The following YWHAE variants were observed in gnomAD, a reference collection of about 807,000 sequenced individuals.
YWHAE encodes the protein 14-3-3 protein epsilon.
In YWHAE, 4 loss-of-function variants were observed where a neutral mutation model predicts 30.1. The ratio of observed to expected loss-of-function variants is 0.13; its 90% CI spans 0.07 to 0.30. YWHAE has a LOEUF of 0.30. Among genes scored for constraint, YWHAE ranks in the 10% least tolerant of loss-of-function variants. The pLI is 1.00. For synonymous variants in YWHAE, 118 were observed against 111.8 expected, an observed-to-expected ratio of 1.06 and a Z score of -0.35; for missense variants, 121 against 315.9, an observed-to-expected ratio of 0.38 and a Z score of 4.68.
chr17:1,385,802 G>A (rs972140660), intron 1 of YWHAE, among the ~76,000 whole-genome samples: 2 of 152,100 alleles, frequency 1.3e-5, no homozygotes, highest in East Asian at 1.9e-4. Context: ...TCAGAGAGAA[G>A]CTGAGCCAAA....
In YWHAE at chr17:1,370,581, C is replaced by T. The variant is rs533830758; in HGVS notation, c.65-5523G>A. Among the ~76,000 whole-genome samples, 13 of 152,146 alleles carry T rather than the reference C, an allele frequency of 8.5e-5. No individual in the cohort carries two copies. The South Asian group carries it at 2.7e-3, about 32-fold the overall frequency. ...AAGTAGCTGAGACTACAAGTGGGCG[C>T]CACCACGCCCGGCTAACTTTTCTAT... On this transcript the variant is annotated intron_variant, in intron 1 of 5. Coordinates refer to ENST00000264335, the MANE Select transcript of YWHAE (RefSeq NM_006761.5).
chr17:1,353,584 G>A (rs1027958608), intron 5 of YWHAE, among the ~76,000 whole-genome samples: 2 of 152,032 alleles, frequency 1.3e-5, no homozygotes, highest in Admixed American at 6.6e-5. Context: ...CCAACATGGA[G>A]AAATCCCGTC....
At position 1,347,019 on chromosome 17, in the gene YWHAE, C is replaced by T. The variant is rs574838332; in HGVS notation, c.716-1520G>A. 6.9e-5 allele frequency among the ~76,000 whole-genome samples: 10 copies of T among 145,522 alleles called. No individual in the cohort carries two copies. The East Asian group carries it at 2.0e-3, about 30-fold the overall frequency. On this transcript the variant is annotated intron_variant, in intron 5 of 5. Transcript: ENST00000264335. Reference sequence around the variant, plus strand: ...AAAAAAAAAAAAAGAATAAATAAAACTAAAAGTAAAAAACTATGTATGCTG... The same window carrying T: ...AAAAAAAAAAAAAGAATAAATAAAATTAAAAGTAAAAAACTATGTATGCTG...
intron 4 of YWHAE, among the ~76,000 whole-genome samples, chr17:1,356,169 AAAACACAC>A (rs1188970966): frequency 9.5e-5 from 9 of 94,490 alleles, no homozygotes; most frequent in Admixed American, 8.6e-4. Flanking sequence ...ACTCCGTCTA[AAAACACAC>A]ACACACACAC....
At chr17:1,347,639 C>T (rs1052877956) in intron 5 of YWHAE, among the ~76,000 whole-genome samples, 5 of 152,104 alleles carry the variant, frequency 3.3e-5, no homozygotes, top group African/African-American at 7.2e-5. Context: ...CGTATTCAAA[C>T]GTAGGAAACA....
chr17:1,384,351 G>A (rs561985178), intron 1 of YWHAE, among the ~76,000 whole-genome samples: 1 of 151,840 alleles, frequency 6.6e-6, no homozygotes, highest in South Asian at 2.1e-4. Flanking sequence ...ACCAGCTTGG[G>A]CAAGAGTGAG....
chr17:1,361,009 G>A (rs1383070862), intron 4 of YWHAE, 83 bp downstream of exon 4: 5 of 1,286,430 alleles, frequency 3.9e-6, no homozygotes, highest in South Asian at 2.5e-5. Flanking sequence ...TACAAAGACA[G>A]GCCCAAGAAA....
At chr17:1,381,395 G>A (rs1470354132) in intron 1 of YWHAE, among the ~76,000 whole-genome samples, 2 of 151,966 alleles carry the variant, frequency 1.3e-5, no homozygotes, top group African/African-American at 4.8e-5. Context: ...TGTAATCCCA[G>A]CTACTCAGGA....
intron 3 of YWHAE, 121 bp downstream of exon 3, chr17:1,361,781 T>G: frequency 1.7e-6 from 1 of 605,042 alleles, no homozygotes; most frequent in Non-Finnish European, 2.8e-6. Context: ...CAATATTAAC[T>G]ATCCTTCTAA....
At chr17:1,351,052 C>G (rs1465941467) in intron 5 of YWHAE, among the ~76,000 whole-genome samples, 2 of 148,006 alleles carry the variant, frequency 1.4e-5, no homozygotes, top group African/African-American at 2.5e-5. Flanking sequence ...GGGAGAGACT[C>G]CGTCTCACAA....
chr17:1,348,832 G>T (rs932174336), intron 5 of YWHAE, among the ~76,000 whole-genome samples: 1 of 151,894 alleles, frequency 6.6e-6, no homozygotes, highest in Non-Finnish European at 1.5e-5. Flanking sequence ...GACCATCCGG[G>T]TTAACACGGG....
At chr17:1,388,113 GGTTGGTTTTTT>G (rs2073332372) in intron 1 of YWHAE, among the ~76,000 whole-genome samples, 1 of 35,124 alleles carries the variant, frequency 2.8e-5, no homozygotes, top group Admixed American at 3.9e-4. Context: ...TTTTTTTTTT[GGTTGGTTTTTT>G]TTTTTTTTTT....
intron 1 of YWHAE, among the ~76,000 whole-genome samples, chr17:1,373,254 C>CA (rs1163453540): frequency 6.6e-6 from 1 of 151,706 alleles, no homozygotes; most frequent in Non-Finnish European, 1.5e-5. Context: ...AAAAAACAAG[C>CA]AAAAAAAGGA....
At chr17:1,388,574 C>A (rs1359581270) in intron 1 of YWHAE, among the ~76,000 whole-genome samples, 1 of 135,642 alleles carries the variant, frequency 7.4e-6, no homozygotes, top group East Asian at 2.2e-4. Flanking sequence ...CATGCCCAGC[C>A]TTTTTTTTTT....
intron 1 of YWHAE, among the ~76,000 whole-genome samples, chr17:1,371,112 TCA>T (rs1431068291): frequency 6.6e-6 from 1 of 151,490 alleles, no homozygotes; most frequent in Non-Finnish European, 1.5e-5. Flanking sequence ...TGAAACAGAG[TCA>T]CACTCTGTCA....
intron 1 of YWHAE, among the ~76,000 whole-genome samples, chr17:1,381,642 G>A (rs955752567): frequency 1.3e-5 from 2 of 151,858 alleles, no homozygotes. Context: ...AAGGCCGAGC[G>A]CAAAGGCTCA....
At chr17:1,381,374 G>A (rs2073203783) in intron 1 of YWHAE, among the ~76,000 whole-genome samples, 1 of 152,024 alleles carries the variant, frequency 6.6e-6, no homozygotes, top group Non-Finnish European at 1.5e-5. Flanking sequence ...AAATTAGCCA[G>A]GCGTGGTGGC....
At chr17:1,367,955 AAAG>A (rs1439856672) in intron 1 of YWHAE, among the ~76,000 whole-genome samples, 21 of 152,178 alleles carry the variant, frequency 1.4e-4, no homozygotes, top group African/African-American at 4.8e-4. Context: ...CTGAACCATT[AAAG>A]AAGGATGACA....
Position 1,398,896 on chromosome 17 carries a change from T to G in YWHAE, c.64+1151A>C, listed in dbSNP as rs560607233. On this transcript the variant is annotated intron_variant, in intron 1 of 5. Transcript: ENST00000264335. The stretch of plus-strand genomic sequence containing the variant: ...AATATTTCTACATAAACCCATTTAT[T>G]TAAAACGGAAAAAAAGAAAGCAACA... The G allele has an allele frequency of 3.3e-5, 5 of 152,194 alleles. No individual in the cohort carries two copies. The East Asian group carries it at 9.7e-4, about 29-fold the overall frequency. 9.4% of individuals were successfully genotyped at this position (152,194 alleles called of 1,614,324 possible). A position where few individuals can be genotyped will look rare whatever the true frequency, so the allele number is the denominator to read the frequency against.
Sources: gnomAD v4.1 joint callset for allele counts (sites outside exome capture counted in the v4.1 genomes callset) on GRCh38, gnomAD v4.1.1 for gene constraint, MANE v1.5 for transcripts, NCBI Gene and HGNC (gene_info 2026-07-23, HGNC 2026-07-21) for gene names.